The following TMEM132D variants were observed in gnomAD, a reference collection of about 807,000 sequenced individuals.
The protein encoded by TMEM132D is transmembrane protein 132D, also known as mature OL transmembrane protein.
Under a neutral mutation model 62.3 loss-of-function variants are expected in TMEM132D, and 21 were observed. The ratio of observed to expected loss-of-function variants is 0.34; its 90% CI spans 0.24 to 0.49. The LOEUF (loss-of-function observed/expected upper bound fraction) is 0.49, where lower values mean the gene tolerates loss of function less well. Ranked by LOEUF, TMEM132D falls within the 20% of genes least tolerant of loss-of-function variation. The probability of loss-of-function intolerance (pLI) is 0.99; values close to 1 mark genes in which losing one functional copy is unlikely to be tolerated. For synonymous variants in TMEM132D, 621 were observed against 575.6 expected (o/e 1.08, Z -1.13); for missense variants, 1,346 against 1,402.8 (o/e 0.96, Z 0.65).
chr12:129,221,924 C>T (rs1255753885), intron 4 of TMEM132D, among the ~76,000 whole-genome samples: 1 of 152,100 alleles, frequency 6.6e-6, no homozygotes, highest in Non-Finnish European at 1.5e-5. Flanking sequence ...ATCTAATTAG[C>T]AATAATGCTG....
intron 2 of TMEM132D, among the ~76,000 whole-genome samples, chr12:129,569,865 G>A (rs1877463127): frequency 6.6e-6 from 1 of 152,128 alleles, no homozygotes; most frequent in African/African-American, 2.4e-5. Flanking sequence ...TTTCTACTGG[G>A]GGTTTGGTGG....
intron 4 of TMEM132D, among the ~76,000 whole-genome samples, chr12:129,285,539 A>AAAAAAAAAAAGAG (rs56018646): frequency 2.2e-5 from 2 of 90,028 alleles, no homozygotes; most frequent in African/African-American, 3.9e-5. Context: ...AAAAAAAAAA[A>AAAAAAAAAAAGAG]AGAGAGAGAG....
At chr12:129,581,564 A>T (rs1877864477) in intron 2 of TMEM132D, among the ~76,000 whole-genome samples, 1 of 152,184 alleles carries the variant, frequency 6.6e-6, no homozygotes, top group Non-Finnish European at 1.5e-5. Flanking sequence ...CCAAAAGCTG[A>T]AGAACATGCA....
intron 3 of TMEM132D, among the ~76,000 whole-genome samples, chr12:129,403,535 G>A (rs1010892951): frequency 1.3e-5 from 2 of 151,728 alleles, no homozygotes; most frequent in African/African-American, 2.4e-5. Flanking sequence ...CATCTGTTGC[G>A]GAAATGCAAT....
chr12:129,405,138 C>T (rs1038532860), intron 3 of TMEM132D, among the ~76,000 whole-genome samples: 20 of 152,258 alleles, frequency 1.3e-4, no homozygotes, highest in Non-Finnish European at 8.8e-5. Flanking sequence ...GTGGCTTAAG[C>T]AACAGAAATT....
intron 3 of TMEM132D, among the ~76,000 whole-genome samples, chr12:129,492,345 G>A (rs75941968): frequency 0.072 from 11,002 of 152,202 alleles, 461 homozygotes; most frequent in East Asian, 0.2. Context: ...AAACATGAGA[G>A]AGATTTTCAG....
At chr12:129,785,582 T>C (rs898459022) in intron 1 of TMEM132D, among the ~76,000 whole-genome samples, 1 of 152,066 alleles carries the variant, frequency 6.6e-6, no homozygotes, top group African/African-American at 2.4e-5. Flanking sequence ...AACCACAGAG[T>C]CTGTTTAGAT....
intron 3 of TMEM132D, among the ~76,000 whole-genome samples, chr12:129,487,368 GA>G (rs1288997361): frequency 2.6e-5 from 4 of 152,156 alleles, no homozygotes; most frequent in African/African-American, 9.7e-5. Flanking sequence ...GAACTGAAGG[GA>G]CAAGATGTAA....
At chr12:129,381,169 T>C (rs1008046173) in intron 3 of TMEM132D, among the ~76,000 whole-genome samples, 4 of 152,218 alleles carry the variant, frequency 2.6e-5, no homozygotes, top group Non-Finnish European at 2.9e-5. Flanking sequence ...CCCACTGTAT[T>C]CAAAGCCATC....
intron 5 of TMEM132D, among the ~76,000 whole-genome samples, chr12:129,164,849 A>C (rs1265888236): frequency 6.6e-6 from 1 of 152,226 alleles, no homozygotes; most frequent in Non-Finnish European, 1.5e-5. Flanking sequence ...GGGTGGGAAC[A>C]CAAAGCCTAA....
At chr12:129,746,998 T>C (rs1869804467) in intron 1 of TMEM132D, among the ~76,000 whole-genome samples, 1 of 152,130 alleles carries the variant, frequency 6.6e-6, no homozygotes, top group South Asian at 2.1e-4. Context: ...TCTGGGTGCC[T>C]TGCTCCTGCC....
intron 1 of TMEM132D, among the ~76,000 whole-genome samples, chr12:129,837,522 C>A (rs368432307): frequency 2.4e-4 from 37 of 152,204 alleles, no homozygotes; most frequent in African/African-American, 8.7e-4. Flanking sequence ...GCACCTTTAT[C>A]TTCCTCAATG....
intron 2 of TMEM132D, among the ~76,000 whole-genome samples, chr12:129,540,726 A>G (rs1876561547): frequency 6.6e-6 from 1 of 152,110 alleles, no homozygotes; most frequent in African/African-American, 2.4e-5. Context: ...GCCTCAAGTG[A>G]TCCACCTGCC....
chr12:129,455,343 T>C (rs372541516), intron 3 of TMEM132D, among the ~76,000 whole-genome samples: 30 of 152,336 alleles, frequency 2.0e-4, no homozygotes, highest in African/African-American at 7.0e-4. Flanking sequence ...TTTCTGAGTC[T>C]CTATTTCATC....
At chr12:129,380,802 G>A (rs11060295) in intron 3 of TMEM132D, among the ~76,000 whole-genome samples, 67,376 of 151,968 alleles carry the variant, frequency 0.44, 15,135 homozygotes, top group Middle Eastern at 0.51. Context: ...AAAATGTTAC[G>A]TAAGTGGAAT....
At chr12:129,338,529 A>T (rs976839186) in intron 3 of TMEM132D, among the ~76,000 whole-genome samples, 2 of 152,156 alleles carry the variant, frequency 1.3e-5, no homozygotes, top group African/African-American at 4.8e-5. Flanking sequence ...GCCTCATCAT[A>T]GTGATTTTTG....
chr12:129,229,552 A>G lies in TMEM132D; in HGVS notation c.1300-19889T>C, dbSNP rs1357704418. Among the ~76,000 whole-genome samples the G allele has an allele frequency of 7.9e-5, 12 of 152,344 alleles. No individual in the cohort carries two copies. The East Asian group carries it at 9.6e-4, about 12-fold the overall frequency. On this transcript the variant is annotated intron_variant, in intron 4 of 8. Transcript: ENST00000422113. ...CTACTATATCACTACAGAAAAATGC[A>G]TGTCAAATTGTCAAAGGCTACAGAA...
intron 3 of TMEM132D, among the ~76,000 whole-genome samples, chr12:129,412,957 G>C (rs555126962): frequency 4.9e-4 from 74 of 152,310 alleles, no homozygotes; most frequent in Non-Finnish European, 5.4e-4. Flanking sequence ...TCATGTGCCC[G>C]TTCTGAGCAG....
At chr12:129,102,999 G>A (rs1165341395) in intron 5 of TMEM132D, among the ~76,000 whole-genome samples, 1 of 152,154 alleles carries the variant, frequency 6.6e-6, no homozygotes, top group East Asian at 1.9e-4. Context: ...GACACAGGAG[G>A]CATACATATC....
Sources: allele counts gnomAD v4.1 joint callset (sites outside exome capture counted in the v4.1 genomes callset), GRCh38; gene constraint gnomAD v4.1.1; transcripts MANE v1.5; gene names NCBI Gene and HGNC (gene_info 2026-07-23, HGNC 2026-07-21).